SNX30: variants seen among roughly 807,000 people sequenced by gnomAD.
The protein encoded by SNX30 is sorting nexin family member 30.
SNX30 carries 24 observed loss-of-function variants against 46.4 expected under a neutral mutation model. That is an observed-to-expected ratio of 0.52 (90% CI 0.37 to 0.73). SNX30 has a LOEUF of 0.73. Ranked by LOEUF, SNX30 falls within the 30% of genes least tolerant of loss-of-function variation. SNX30 has a pLI of 0.00. For synonymous variants in SNX30, 189 were observed against 211.5 expected (o/e 0.89, Z 0.92); for missense variants, 533 against 555.7 (o/e 0.96, Z 0.41).
chr9:112,792,425 C>T (rs983991664), intron 1 of SNX30, among the ~76,000 whole-genome samples: 14 of 152,096 alleles, frequency 9.2e-5, no homozygotes, highest in African/African-American at 3.1e-4. Context: ...CCATTTTCCT[C>T]TTTTTTTATT....
At chr9:112,766,383 A>G (rs1273452082) in intron 1 of SNX30, among the ~76,000 whole-genome samples, 1 of 152,222 alleles carries the variant, frequency 6.6e-6, no homozygotes, top group Non-Finnish European at 1.5e-5. Context: ...AAGACATTAA[A>G]TACAATTTAT....
At chr9:112,836,570 A>T (rs1410903067) in intron 5 of SNX30, among the ~76,000 whole-genome samples, 161 bp downstream of exon 5, 2 of 152,182 alleles carry the variant, frequency 1.3e-5, no homozygotes, top group African/African-American at 4.8e-5. Context: ...GTTACTTGTG[A>T]CTGGAATGTC....
At chr9:112,877,543 C>T (rs1488799534), downstream of SNX30, 3 of 152,632 alleles carry the variant, frequency 2.0e-5, no homozygotes, top group Admixed American at 1.3e-4. Context: ...GGGGCGCTAC[C>T]TTTTTCCCAG....
chr9:112,756,481 G>GTT (rs1445400509), intron 1 of SNX30, among the ~76,000 whole-genome samples: 1 of 115,194 alleles, frequency 8.7e-6, no homozygotes, highest in East Asian at 2.7e-4. Context: ...GTCTTGCCCT[G>GTT]TTGCCCAGGC....
chr9:112,879,500 T>TCATG, downstream of SNX30: 1 of 443,874 alleles, frequency 2.3e-6, no homozygotes, highest in East Asian at 3.5e-5. Flanking sequence ...ACCCTTAAGG[T>TCATG]CATGCTCTGC....
intron 1 of SNX30, among the ~76,000 whole-genome samples, chr9:112,756,834 A>G (rs1839358584): frequency 6.6e-6 from 1 of 152,210 alleles, no homozygotes; most frequent in African/African-American, 2.4e-5. Flanking sequence ...GAAGCATTCC[A>G]GCTCTGAAAT....
downstream of SNX30, among the ~76,000 whole-genome samples, chr9:112,883,512 G>A (rs942879136): frequency 6.6e-6 from 1 of 151,670 alleles, no homozygotes; most frequent in Non-Finnish European, 1.5e-5. Context: ...GGATTGTTTG[G>A]GAAGATTAGT....
chr9:112,805,029 A>G (rs756962442), intron 2 of SNX30, 62 bp downstream of exon 2: 21 of 1,396,206 alleles, frequency 1.5e-5, no homozygotes, highest in Non-Finnish European at 2.0e-5. Context: ...GGTCTACCTC[A>G]GTGAATTTTG....
chr9:112,833,925 C>T (rs1311765533), intron 4 of SNX30, among the ~76,000 whole-genome samples: 1 of 152,134 alleles, frequency 6.6e-6, no homozygotes, highest in Admixed American at 6.5e-5. Context: ...TGGAGAGGAA[C>T]TAGAGGAGAT....
At chr9:112,787,314 GAC>G (rs1402720822) in intron 1 of SNX30, among the ~76,000 whole-genome samples, 1 of 152,144 alleles carries the variant, frequency 6.6e-6, no homozygotes, top group African/African-American at 2.4e-5. Flanking sequence ...ATGAAGTGAA[GAC>G]ACTGTGGAAG....
chr9:112,860,508 G>A (rs774806411), intron 7 of SNX30, among the ~76,000 whole-genome samples: 6 of 152,118 alleles, frequency 3.9e-5, no homozygotes, highest in Non-Finnish European at 8.8e-5. Context: ...GCTTCTCTCG[G>A]ACTCCCTGTA....
chr9:112,845,389 C>T (rs528121420), intron 6 of SNX30, among the ~76,000 whole-genome samples: 33 of 152,344 alleles, frequency 2.2e-4, no homozygotes, highest in African/African-American at 7.7e-4. Flanking sequence ...GGCAGCACCA[C>T]GCCCCTCTGG....
In SNX30 at chr9:112,810,326, G is replaced by A. The variant is rs918702407; in HGVS notation, c.348+5359G>A. Among the ~76,000 whole-genome samples, 5 of 152,158 alleles carry A rather than the reference G, an allele frequency of 3.3e-5. No homozygotes were observed. In the South Asian group the frequency reaches 6.2e-4, roughly 19 times the overall value. On this transcript the variant is annotated intron_variant, in intron 2 of 8. Coordinates refer to ENST00000374232, the MANE Select transcript of SNX30 (RefSeq NM_001012994.2). ...TCTGTCCGTGTGTTTGCTTGATTTT[G>A]TTTCTCCTCTAGCAGTGTGCTCACA...
Position 112,867,471 on chromosome 9 carries a change from C to T in SNX30, c.1255-1313C>T, listed in dbSNP as rs191254650. On this transcript the variant is annotated intron_variant, in intron 8 of 8. Coordinates refer to ENST00000374232, the MANE Select transcript of SNX30 (RefSeq NM_001012994.2). ...CCTCCTCCATCCTCAGAACTCCTCCCACCTCAGTATTCCTCCTCCCTCCTC... is the reference window on the plus strand; with the variant it reads ...CCTCCTCCATCCTCAGAACTCCTCCTACCTCAGTATTCCTCCTCCCTCCTC... Among the ~76,000 whole-genome samples, 350 of 150,330 alleles carry T rather than the reference C, an allele frequency of 2.3e-3. 3 individuals carry two copies. Among genetic ancestry groups the T allele is most frequent in the African/African-American group, 8.0e-3 (327 of 40,736 alleles).
intron 7 of SNX30, among the ~76,000 whole-genome samples, chr9:112,861,411 G>T (rs1306512964): frequency 3.3e-5 from 5 of 152,188 alleles, no homozygotes; most frequent in African/African-American, 1.2e-4. Flanking sequence ...CCTCATGACA[G>T]CCTAGTGAGG....
At chr9:112,779,082 G>A (rs1839801582) in intron 1 of SNX30, among the ~76,000 whole-genome samples, 1 of 152,252 alleles carries the variant, frequency 6.6e-6, no homozygotes, top group African/African-American at 2.4e-5. Flanking sequence ...ATGGTCTGAG[G>A]ATTGGCAGGG....
chr9:112,805,465 G>C (rs2131403362), intron 2 of SNX30, among the ~76,000 whole-genome samples: 1 of 151,384 alleles, frequency 6.6e-6, no homozygotes, highest in East Asian at 1.9e-4. Flanking sequence ...TAACTTTTAA[G>C]ATCATAACAA....
chr9:112,840,023 C>T (rs1023180415), intron 6 of SNX30, among the ~76,000 whole-genome samples: 2 of 152,172 alleles, frequency 1.3e-5, no homozygotes, highest in Admixed American at 6.5e-5. Context: ...CTCCTTGTTC[C>T]GTCTTGTCCC....
At chr9:112,760,636 G>T (rs528162909) in intron 1 of SNX30, among the ~76,000 whole-genome samples, 2 of 152,196 alleles carry the variant, frequency 1.3e-5, no homozygotes, top group African/African-American at 4.8e-5. Flanking sequence ...TTCAGGATCC[G>T]ACTGTGCCAG....
Sources: gnomAD v4.1 joint callset for allele counts (sites outside exome capture counted in the v4.1 genomes callset) on GRCh38, gnomAD v4.1.1 for gene constraint, MANE v1.5 for transcripts, NCBI Gene and HGNC (gene_info 2026-07-23, HGNC 2026-07-21) for gene names.